The following TBC1D9 variants were observed in gnomAD, a reference collection of about 807,000 sequenced individuals.
TBC1D9 encodes TBC1 domain family member 9.
TBC1D9 carries 63 observed loss-of-function variants against 132.0 expected under a neutral mutation model. The observed-to-expected ratio is 0.48, with a 90% CI of 0.39 to 0.59. TBC1D9 has a LOEUF of 0.59. TBC1D9 is among the 20% of genes least tolerant of loss of function. The probability of loss-of-function intolerance (pLI) is 0.00; values close to 1 mark genes in which losing one functional copy is unlikely to be tolerated. For missense variants in TBC1D9, 1,261 were observed against 1,592.7 expected (o/e 0.79, Z 3.54); for synonymous variants, 610 against 609.9 (o/e 1.00, Z 0.00).
intron 6 of TBC1D9, 87 bp downstream of exon 6, chr4:140,676,807 C>A (rs1737631702): frequency 6.6e-7 from 1 of 1,520,674 alleles, no homozygotes; most frequent in African/African-American, 1.4e-5. Flanking sequence ...GTTCAAAAGC[C>A]AATTGTTGGT....
In TBC1D9 at chr4:140,755,965, C is replaced by T. The variant is rs1230626207; in HGVS notation, c.81G>A (p.Gln27=). Residue 27 remains glutamine (Q), a synonymous_variant, in exon 1 of 21, where the codon CAG becomes CAA. Transcript: ENST00000442267. ...TERANPYFIL[Q]RRKGHAGDGG... ...CATCGCCGGCGTGGCCCTTCCTCCGCTGCAGGATGAAGTATGGGTTGGCCC... is the reference window on the plus strand; with the variant it reads ...CATCGCCGGCGTGGCCCTTCCTCCGTTGCAGGATGAAGTATGGGTTGGCCC... The T allele has an allele frequency of 1.2e-6, 2 of 1,605,022 alleles. No homozygotes were observed. The highest frequency in any genetic ancestry group is 4.5e-5 in the East Asian group (2 of 44,446).
intron 1 of TBC1D9, among the ~76,000 whole-genome samples, chr4:140,753,845 T>C (rs567434662): frequency 6.6e-6 from 1 of 152,348 alleles, no homozygotes; most frequent in South Asian, 2.1e-4. Context: ...GAACTTACAT[T>C]AGAATCAGAA....
chr4:140,637,658 C>T (rs1736901711), intron 15 of TBC1D9, among the ~76,000 whole-genome samples: 2 of 152,202 alleles, frequency 1.3e-5, no homozygotes, highest in African/African-American at 4.8e-5. Context: ...CTCCAACTTA[C>T]ACTATGTGGA....
chr4:140,639,028 T>C, intron 15 of TBC1D9, 58 bp downstream of exon 15: 4 of 1,245,636 alleles, frequency 3.2e-6, no homozygotes, highest in Middle Eastern at 2.4e-4. Flanking sequence ...ACTAACTGAA[T>C]TATTAAGGTG....
At chr4:140,677,167 C>T (rs1031019178) in intron 5 of TBC1D9, 66 bp from the exon 6 acceptor site, 66 of 1,575,126 alleles carry the variant, frequency 4.2e-5, no homozygotes, top group East Asian at 1.6e-4. Flanking sequence ...TATGCAGCAG[C>T]GGAAGTTCCC....
chr4:140,638,563 C>T (rs983049090), intron 15 of TBC1D9, among the ~76,000 whole-genome samples: 15 of 150,954 alleles, frequency 9.9e-5, no homozygotes, highest in African/African-American at 3.4e-4. Context: ...TGGTGGTGTG[C>T]GCCTGTAATC....
At chr4:140,652,401 T>C (rs773417037) in intron 13 of TBC1D9, among the ~76,000 whole-genome samples, 2 of 152,162 alleles carry the variant, frequency 1.3e-5, no homozygotes, top group South Asian at 2.1e-4. Context: ...GAAGCAGAGA[T>C]AATGTACTTC....
chr4:140,630,885 A>G (rs1736783872), intron 16 of TBC1D9, among the ~76,000 whole-genome samples: 1 of 152,186 alleles, frequency 6.6e-6, no homozygotes. Flanking sequence ...ACACACTTCT[A>G]GAACTTTACT....
At chr4:140,649,917 G>A (rs1737161750) in intron 13 of TBC1D9, among the ~76,000 whole-genome samples, 1 of 152,158 alleles carries the variant, frequency 6.6e-6, no homozygotes, top group African/African-American at 2.4e-5. Context: ...TCTGCCAGAA[G>A]TGGGCCCATA....
chr4:140,747,014 T>TA lies in TBC1D9; in HGVS notation c.130+8901dup, dbSNP rs560838937. ...AGACCCCATCTCTATTAAATAAAAA[T>TA]AAAAAATAAATAAATAAATAAATAA... On this transcript the variant is annotated intron_variant, in intron 1 of 20. Transcript: ENST00000442267. 1.9e-4 allele frequency among the ~76,000 whole-genome samples: 28 copies of TA among 146,814 alleles called. 1 individual carries two copies. Among genetic ancestry groups the TA allele is most frequent in the Non-Finnish European group, 3.1e-4 (21 of 67,112 alleles).
At position 140,631,950 on chromosome 4, in the gene TBC1D9, C is replaced by T. The variant is rs183697635; in HGVS notation, c.2746+1998G>A. Among the ~76,000 whole-genome samples, 638 of 152,254 alleles carry T rather than the reference C, an allele frequency of 4.2e-3. 3 individuals are homozygous for T. The highest frequency in any genetic ancestry group is 0.015 in the African/African-American group (619 of 41,560). ...GAATTTCTCATTTCTGCTTGACTTT[C>T]CCATCTCCATAACTATAACTGACCA... On this transcript the variant is annotated intron_variant, in intron 16 of 20. Transcript: ENST00000442267.
rs138113974 is a variant in TBC1D9 at position 140,687,321 on chromosome 4, ATG to A, written c.242-861_242-860del. Among the ~76,000 whole-genome samples the A allele has an allele frequency of 2.4e-3, 237 of 97,452 alleles. 8 individuals are homozygous for A. Among genetic ancestry groups the A allele is most frequent in the African/African-American group, 7.0e-3 (185 of 26,366 alleles). The allele number at this position is 97,452 out of a possible 152,430, so 63.9% of individuals were successfully genotyped here. A position where few individuals can be genotyped will look rare whatever the true frequency, so the allele number is the denominator to read the frequency against. On this transcript the variant is annotated intron_variant, in intron 2 of 20. Coordinates refer to ENST00000442267, the MANE Select transcript of TBC1D9 (RefSeq NM_015130.3). ...ATATATATGTGTGCCATATATATAT[ATG>A]TGTGTGTGTGTGTGTGTGTCATATA...
intron 16 of TBC1D9, 51 bp downstream of exon 16, chr4:140,633,897 G>C (rs1736835009): frequency 6.2e-7 from 1 of 1,601,110 alleles, no homozygotes. Context: ...GCAACACTAG[G>C]CACAACTCCA....
At chr4:140,712,208 G>A (rs139544024) in intron 1 of TBC1D9, 5 of 148,244 alleles carry the variant, frequency 3.4e-5, no homozygotes, top group African/African-American at 7.4e-5. Flanking sequence ...GGGACCTGGC[G>A]TTTACATTTT....
At chr4:140,729,692 C>T (rs1009186976) in intron 1 of TBC1D9, among the ~76,000 whole-genome samples, 13 of 151,856 alleles carry the variant, frequency 8.6e-5, no homozygotes, top group African/African-American at 1.9e-4. Flanking sequence ...TGGTGGCATG[C>T]GCCTGTAGTC....
At chr4:140,733,388 GAA>G (rs1335072640) in intron 1 of TBC1D9, among the ~76,000 whole-genome samples, 1 of 152,032 alleles carries the variant, frequency 6.6e-6, no homozygotes, top group Non-Finnish European at 1.5e-5. Flanking sequence ...CCCAAGAAAA[GAA>G]AAAGTCTTTC....
At chr4:140,700,099 C>A (rs1258445886) in intron 2 of TBC1D9, among the ~76,000 whole-genome samples, 1 of 151,634 alleles carries the variant, frequency 6.6e-6, no homozygotes. Context: ...GAGTTCAAGA[C>A]TAGGCTGGGC....
chr4:140,632,942 A>G (rs1736821041), intron 16 of TBC1D9, among the ~76,000 whole-genome samples: 1 of 152,220 alleles, frequency 6.6e-6, no homozygotes, highest in African/African-American at 2.4e-5. Flanking sequence ...CTGCACTCTA[A>G]ATAAATGCGA....
At chr4:140,733,956 TCTTCCTTC>T (rs1046667518) in intron 1 of TBC1D9, among the ~76,000 whole-genome samples, 10 of 152,028 alleles carry the variant, frequency 6.6e-5, no homozygotes, top group African/African-American at 2.4e-4. Context: ...CCTCTTCCTT[TCTTCCTTC>T]CTTCCTTCTT....
Sources: gnomAD v4.1 joint callset for allele counts (sites outside exome capture counted in the v4.1 genomes callset) on GRCh38, gnomAD v4.1.1 for gene constraint, MANE v1.5 for transcripts, NCBI Gene and HGNC (gene_info 2026-07-23, HGNC 2026-07-21) for gene names.